DDX60: variants seen among roughly 807,000 people sequenced by gnomAD.
The protein encoded by DDX60 is probable ATP-dependent RNA helicase DDX60.
Under a neutral mutation model 212.8 loss-of-function variants are expected in DDX60, and 165 were observed. The observed-to-expected ratio is 0.78, with a 90% CI of 0.68 to 0.88. The LOEUF (loss-of-function observed/expected upper bound fraction) is 0.88, where lower values mean the gene tolerates loss of function less well. Among genes scored for constraint, DDX60 ranks in the 40% least tolerant of loss-of-function variants. The pLI is 0.00. For synonymous variants in DDX60, 703 were observed against 685.3 expected, an observed-to-expected ratio of 1.03 and a Z score of -0.40; for missense variants, 1,905 against 2,003.9, an observed-to-expected ratio of 0.95 and a Z score of 0.94.
At chr4:168,298,177 T>C (rs1464382420) in intron 6 of DDX60, among the ~76,000 whole-genome samples, 1 of 151,718 alleles carries the variant, frequency 6.6e-6, no homozygotes, top group Non-Finnish European at 1.5e-5. Context: ...TTAAATAAAA[T>C]AACAAAGAAT....
chr4:168,235,306 T>C (rs1733593972), intron 33 of DDX60, among the ~76,000 whole-genome samples: 1 of 152,042 alleles, frequency 6.6e-6, no homozygotes. Context: ...ATGTCTGGCC[T>C]ATTTTTTAAA....
intron 25 of DDX60, 66 bp downstream of exon 25, chr4:168,260,799 C>T: frequency 4.2e-6 from 6 of 1,420,256 alleles, no homozygotes; most frequent in Non-Finnish European, 5.9e-6. Context: ...AGGTTGGGGA[C>T]CTCTGCCTTA....
intron 34 of DDX60, 40 bp downstream of exon 34, chr4:168,225,489 T>G (rs1733220624): frequency 1.4e-5 from 22 of 1,546,444 alleles, no homozygotes; most frequent in Non-Finnish European, 1.8e-5. Context: ...AGATTATTTA[T>G]TCTTCAAATT....
intron 3 of DDX60, among the ~76,000 whole-genome samples, 182 bp from the exon 4 acceptor site, chr4:168,308,377 G>C (rs1045097049): frequency 6.6e-6 from 1 of 152,152 alleles, no homozygotes; most frequent in Non-Finnish European, 1.5e-5. Flanking sequence ...CTTCACAGGA[G>C]GAAGGCGGGA....
At chr4:168,244,551 C>T (rs1455492270) in intron 30 of DDX60, among the ~76,000 whole-genome samples, 1 of 151,934 alleles carries the variant, frequency 6.6e-6, no homozygotes, top group Non-Finnish European at 1.5e-5. Flanking sequence ...ATGGTCAAAC[C>T]CTGTCTCTAC....
At chr4:168,309,426 T>C (rs1212581731) in intron 3 of DDX60, among the ~76,000 whole-genome samples, 6 of 152,144 alleles carry the variant, frequency 3.9e-5, no homozygotes, top group Admixed American at 2.6e-4. Flanking sequence ...GTAAGGACCA[T>C]TGTAAAAAAA....
At chr4:168,308,449 AC>A (rs1736986800) in intron 3 of DDX60, among the ~76,000 whole-genome samples, 2 of 152,040 alleles carry the variant, frequency 1.3e-5, no homozygotes, top group Non-Finnish European at 2.9e-5. Context: ...GCCTGATAGG[AC>A]CATGAATATA....
In DDX60 at chr4:168,260,875, G is replaced by A. The variant is rs1734597287; in HGVS notation, c.3388C>T (p.Leu1130=). 6.2e-7 allele frequency: 1 copy of A among 1,600,792 alleles called. No homozygotes were observed. Among genetic ancestry groups the A allele is most frequent in the African/African-American group, 1.3e-5 (1 of 74,102 alleles). The part of the protein sequence containing the change: ...KLRKMEKLPA[L]FFLFKLGAVE... ...AATTAAATAACTTACAAAAAAAATA[G>A]TGCAGGTAACTTCTCCATTTTCCTT... The change falls in exon 25 of 38, where the codon CTA becomes TTA. Residue 1130 remains leucine (L), a synonymous_variant. Coordinates refer to ENST00000393743, the MANE Select transcript of DDX60 (RefSeq NM_017631.6).
chr4:168,290,038 T>C (rs553098572), intron 8 of DDX60, among the ~76,000 whole-genome samples: 8 of 152,316 alleles, frequency 5.3e-5, no homozygotes, highest in African/African-American at 9.6e-5. Context: ...TGAATCCTCA[T>C]TGGGCTTCTA....
At chr4:168,229,457 T>C (rs961292912) in intron 33 of DDX60, among the ~76,000 whole-genome samples, 4 of 152,100 alleles carry the variant, frequency 2.6e-5, no homozygotes, top group African/African-American at 9.7e-5. Flanking sequence ...AACTTCCAGC[T>C]GAACTCTGTA....
At chr4:168,285,974 GAAAGAAAGA>G (rs1735826682) in intron 10 of DDX60, among the ~76,000 whole-genome samples, 1 of 43,058 alleles carries the variant, frequency 2.3e-5, no homozygotes, top group African/African-American at 2.8e-4. Flanking sequence ...AAGAATGAAA[GAAAGAAAGA>G]AAGAAAGAAA....
At chr4:168,246,743 C>T (rs553879261) in intron 29 of DDX60, 125 bp from the exon 30 acceptor site, 18 of 956,704 alleles carry the variant, frequency 1.9e-5, no homozygotes, top group African/African-American at 4.9e-5. Context: ...CATTAAGGAA[C>T]GGACACTAAC....
At chr4:168,303,474 T>C in intron 5 of DDX60, among the ~76,000 whole-genome samples, 1 of 152,066 alleles carries the variant, frequency 6.6e-6, no homozygotes, top group Non-Finnish European at 1.5e-5. Context: ...GCAACCAGAA[T>C]TGAAAATAGT....
chr4:168,224,252 A>G lies in DDX60; in HGVS notation c.4815T>C (p.Thr1605=), dbSNP rs1344570433. Residue 1605 remains threonine, a synonymous_variant, in exon 35 of 38, where the codon ACT becomes ACC. Transcript: ENST00000393743. ...CCCACTCTTCACTTACATGGTTTGG[A>G]GTTTCTAGTCGAAGCAAATCATCAT... ...NFDDDLLRLE[T]PNHVTLGTIG... 5 of 1,612,176 alleles carry G rather than the reference A, an allele frequency of 3.1e-6. No individual in the cohort carries two copies. The highest frequency in any genetic ancestry group is 8.5e-7 in the Non-Finnish European group (1 of 1,178,784).
intron 30 of DDX60, among the ~76,000 whole-genome samples, chr4:168,245,098 T>C (rs900000873): frequency 1.3e-5 from 2 of 152,180 alleles, no homozygotes; most frequent in Admixed American, 1.3e-4. Context: ...AAATTTTATA[T>C]GCATTTCACC....
intron 13 of DDX60, 53 bp downstream of exon 13, chr4:168,283,393 C>G: frequency 6.5e-7 from 1 of 1,536,612 alleles, no homozygotes. Context: ...ACATATCAAC[C>G]TGATAAAAGA....
chr4:168,319,636 A>T (rs1737552648), upstream of DDX60, among the ~76,000 whole-genome samples: 3 of 152,234 alleles, frequency 2.0e-5, no homozygotes, highest in South Asian at 6.2e-4. Context: ...TGATACTTGC[A>T]GTGTGGGTTT....
chr4:168,260,357 A>C (rs1438089042), intron 25 of DDX60, among the ~76,000 whole-genome samples: 5 of 152,176 alleles, frequency 3.3e-5, no homozygotes, highest in Admixed American at 3.3e-4. Flanking sequence ...GAGTGAGAAC[A>C]TGCGGTTTTT....
intron 1 of DDX60, among the ~76,000 whole-genome samples, chr4:168,317,245 A>G (rs1258807931): frequency 1.3e-5 from 2 of 151,890 alleles, no homozygotes; most frequent in Non-Finnish European, 2.9e-5. Context: ...CACACATACA[A>G]AAACAAACAA....
Sources: gnomAD v4.1 joint callset for allele counts (sites outside exome capture counted in the v4.1 genomes callset) on GRCh38, gnomAD v4.1.1 for gene constraint, MANE v1.5 for transcripts, NCBI Gene and HGNC (gene_info 2026-07-23, HGNC 2026-07-21) for gene names.